The following TRIQK variants were observed in gnomAD, a reference collection of about 807,000 sequenced individuals.
The protein encoded by TRIQK is triple QxxK/R motif-containing protein.
A neutral mutation model predicts 10.8 loss-of-function variants in TRIQK; 10 were observed. The observed-to-expected ratio is 0.92, with a 90% CI of 0.57 to 1.57. The LOEUF (loss-of-function observed/expected upper bound fraction) is 1.57, where lower values mean the gene tolerates loss of function less well. Ranked by LOEUF, TRIQK falls within the 40% of genes most tolerant of loss-of-function variation. TRIQK has a pLI of 0.00. For missense variants in TRIQK, 107 were observed against 97.7 expected, an observed-to-expected ratio of 1.09 and a Z score of -0.40; for synonymous variants, 33 against 33.7, an observed-to-expected ratio of 0.98 and a Z score of 0.07.
chr8:92,946,701 A>G (rs1277883542), intron 2 of TRIQK, among the ~76,000 whole-genome samples: 2 of 151,156 alleles, frequency 1.3e-5, no homozygotes, highest in Non-Finnish European at 3.0e-5. Context: ...TGATTGAACC[A>G]TATTTCTCCT....
chr8:92,889,860 G>A (rs2130249804), intron 4 of TRIQK, among the ~76,000 whole-genome samples: 1 of 151,780 alleles, frequency 6.6e-6, no homozygotes, highest in Middle Eastern at 3.4e-3. Context: ...CCTGAGCTCA[G>A]TGCTATTCTC....
intron 1 of TRIQK, among the ~76,000 whole-genome samples, chr8:92,979,968 A>G (rs1369963625): frequency 6.6e-6 from 1 of 152,062 alleles, no homozygotes; most frequent in Admixed American, 6.6e-5. Flanking sequence ...TTATTTCATT[A>G]GTTGGACTTC....
intron 2 of TRIQK, among the ~76,000 whole-genome samples, chr8:92,928,343 A>G (rs919349840): frequency 3.3e-5 from 5 of 152,202 alleles, no homozygotes; most frequent in African/African-American, 1.2e-4. Context: ...TCAGCTGGCT[A>G]GAATTCAGCA....
chr8:92,929,331 G>A (rs901042327), intron 2 of TRIQK, among the ~76,000 whole-genome samples: 1 of 152,134 alleles, frequency 6.6e-6, no homozygotes, highest in Admixed American at 6.6e-5. Context: ...GGGTGGAGGA[G>A]CATTAGAAAT....
chr8:92,965,238 G>A (rs1332127740), intron 1 of TRIQK: 1 of 151,978 alleles, frequency 6.6e-6, no homozygotes, highest in East Asian at 1.9e-4. Flanking sequence ...TTCTTCAGGA[G>A]GCTTATTAAG....
chr8:92,949,810 GAAA>G (rs1563655414), intron 2 of TRIQK, among the ~76,000 whole-genome samples: 1 of 98,424 alleles, frequency 1.0e-5, no homozygotes. Context: ...AAGAAAGAAA[GAAA>G]GAAAGAAAGA....
chr8:92,951,753 CTA>C (rs1427087225), intron 2 of TRIQK, among the ~76,000 whole-genome samples: 2 of 152,078 alleles, frequency 1.3e-5, no homozygotes, highest in African/African-American at 4.8e-5. Flanking sequence ...TAATCAAAGG[CTA>C]ACTTGCTGGG....
At chr8:93,005,521 G>C (rs1173000753) in intron 1 of TRIQK, among the ~76,000 whole-genome samples, 1 of 152,038 alleles carries the variant, frequency 6.6e-6, no homozygotes, top group South Asian at 2.1e-4. Context: ...TACACAAATC[G>C]ACGTGTGATA....
chr8:92,919,503 T>C (rs894375362), intron 2 of TRIQK, among the ~76,000 whole-genome samples: 3 of 151,928 alleles, frequency 2.0e-5, no homozygotes, highest in African/African-American at 4.8e-5. Context: ...TTGATCATGA[T>C]GCATTATCTT....
intron 3 of TRIQK, among the ~76,000 whole-genome samples, chr8:92,906,423 A>C (rs1001128464): frequency 6.6e-6 from 1 of 152,114 alleles, no homozygotes; most frequent in Admixed American, 6.5e-5. Flanking sequence ...ACCAATCATA[A>C]AATTTAATAC....
chr8:92,931,691 T>C (rs902448214), intron 2 of TRIQK, among the ~76,000 whole-genome samples: 1 of 152,134 alleles, frequency 6.6e-6, no homozygotes, highest in Non-Finnish European at 1.5e-5. Context: ...AGACCTATAA[T>C]AGGATGACCA....
At chr8:92,976,251 T>C (rs1313154812) in intron 1 of TRIQK, among the ~76,000 whole-genome samples, 1 of 151,994 alleles carries the variant, frequency 6.6e-6, no homozygotes, top group Non-Finnish European at 1.5e-5. Flanking sequence ...AGAAAGGTGT[T>C]TAACTCTCCT....
intron 3 of TRIQK, among the ~76,000 whole-genome samples, chr8:92,911,306 A>G (rs1196963408): frequency 6.6e-6 from 1 of 151,560 alleles, no homozygotes; most frequent in Non-Finnish European, 1.5e-5. Context: ...AAAGAATCAA[A>G]GTATATCACA....
At chr8:92,990,794 G>A (rs530961554) in intron 1 of TRIQK, among the ~76,000 whole-genome samples, 20 of 152,276 alleles carry the variant, frequency 1.3e-4, no homozygotes, top group African/African-American at 4.8e-4. Flanking sequence ...CTAGGCCAGG[G>A]CCCTGGATTT....
intron 2 of TRIQK, among the ~76,000 whole-genome samples, chr8:92,950,890 C>A (rs1329854663): frequency 6.6e-6 from 1 of 152,012 alleles, no homozygotes; most frequent in Non-Finnish European, 1.5e-5. Flanking sequence ...TTATACAGGT[C>A]TCCCTCCATA....
upstream of TRIQK, among the ~76,000 whole-genome samples, chr8:92,966,331 C>CTG (rs764168492): frequency 4.6e-5 from 7 of 152,192 alleles, no homozygotes; most frequent in Non-Finnish European, 1.0e-4. Context: ...AAAATAAAGA[C>CTG]TGTGACTTGT....
At chr8:92,962,316 T>C (rs945244363) in intron 1 of TRIQK, among the ~76,000 whole-genome samples, 2 of 152,164 alleles carry the variant, frequency 1.3e-5, no homozygotes, top group African/African-American at 4.8e-5. Context: ...AATCTACTGA[T>C]ATCAAAAACA....
intron 2 of TRIQK, among the ~76,000 whole-genome samples, chr8:92,923,002 C>A (rs1158416785): frequency 6.6e-6 from 1 of 151,694 alleles, no homozygotes; most frequent in Non-Finnish European, 1.5e-5. Context: ...CACATTCTTA[C>A]ATAAATTACT....
Position 92,916,113 on chromosome 8 carries a change from C to A in TRIQK, c.61+816G>T, listed in dbSNP as rs146976064. Among the ~76,000 whole-genome samples, 289 of 152,150 alleles carry A rather than the reference C, an allele frequency of 1.9e-3. 1 individual carries two copies. Among genetic ancestry groups the A allele is most frequent in the African/African-American group, 6.5e-3 (271 of 41,516 alleles). On this transcript the variant is annotated intron_variant, in intron 3 of 4. Transcript: ENST00000521988. Reference sequence around the variant, plus strand: ...GGGTTGGGTGAAGAAGGGGAAGTTACCTTTTTGCTTCTAACTAATTTCTAA... The same window carrying A: ...GGGTTGGGTGAAGAAGGGGAAGTTAACTTTTTGCTTCTAACTAATTTCTAA...
Sources: allele counts gnomAD v4.1 joint callset (sites outside exome capture counted in the v4.1 genomes callset), GRCh38; gene constraint gnomAD v4.1.1; transcripts MANE v1.5; gene names NCBI Gene and HGNC (gene_info 2026-07-23, HGNC 2026-07-21).